NEURL1: variants seen among roughly 807,000 people sequenced by gnomAD.
NEURL1 encodes the protein E3 ubiquitin-protein ligase NEURL1.
A neutral mutation model predicts 41.2 loss-of-function variants in NEURL1; 26 were observed. The ratio of observed to expected loss-of-function variants is 0.63; its 90% confidence interval spans 0.46 to 0.87. NEURL1 has a LOEUF of 0.87. Ranked by LOEUF, NEURL1 falls within the 40% of genes least tolerant of loss-of-function variation. The pLI, the probability that NEURL1 is intolerant of heterozygous loss-of-function variation, is 0.00. For missense variants in NEURL1, 761 were observed against 871.1 expected (o/e 0.87, Z 1.59); for synonymous variants, 400 against 402.3 (o/e 0.99, Z 0.07).
rs957931791 is a variant in NEURL1, at chr10:103,558,231, T to C, written c.86-12641T>C. ...TTCGGCTTGATTCGGGCCAAACATT[T>C]TGGATTGCTGCGTTAAAGTGAGTGA... On this transcript the variant is annotated intron_variant, in intron 1 of 5. Transcript: ENST00000369780. The surrounding 1 kb of genome is among the most constrained non-coding windows in gnomAD (Gnocchi z 4.2). 1 of 985,188 alleles carries C rather than the reference T, an allele frequency of 1.0e-6. No homozygotes were observed. The highest frequency in any genetic ancestry group is 1.2e-6 in the Non-Finnish European group (1 of 829,956). The allele number at this position is 985,188 out of a possible 1,614,324, so 61.0% of individuals were successfully genotyped here. A position where few individuals can be genotyped will look rare whatever the true frequency, so the allele number is the denominator to read the frequency against.
At chr10:103,535,179 G>A (rs148966472) in intron 1 of NEURL1, among the ~76,000 whole-genome samples, 1 of 152,148 alleles carries the variant, frequency 6.6e-6, no homozygotes, top group Non-Finnish European at 1.5e-5. Context: ...TCCCAGAAAG[G>A]TGGGGCACAG....
chr10:103,571,731 T>C lies in NEURL1; in HGVS notation c.558T>C (p.Ala186=). 6.2e-7 allele frequency: 1 copy of C among 1,614,164 alleles called. No homozygotes were observed. The highest frequency in any genetic ancestry group is 8.5e-7 in the Non-Finnish European group (1 of 1,179,990). Residue 186 remains alanine, a synonymous_variant, in exon 3 of 6, where the codon GCT becomes GCC. Coordinates refer to ENST00000369780, the MANE Select transcript of NEURL1 (RefSeq NM_004210.5). Reference sequence around the variant, plus strand: ...TCTTCCACCGCATCAACGACTCGGCTGTTATGCTGTTCTTCAGCGGGGTCC... The same window carrying C: ...TCTTCCACCGCATCAACGACTCGGCCGTTATGCTGTTCTTCAGCGGGGTCC... The part of the protein sequence containing the change: ...GRVFHRINDS[A]VMLFFSGVRT...
intron 4 of NEURL1, chr10:103,588,834 T>G (rs1285414513): frequency 4.5e-6 from 2 of 444,044 alleles, no homozygotes; most frequent in African/African-American, 4.1e-5. Flanking sequence ...TGATCCCAAC[T>G]ACTCAGGAGG....
chr10:103,560,690 C>T (rs1357390169), intron 1 of NEURL1, among the ~76,000 whole-genome samples: 1 of 152,118 alleles, frequency 6.6e-6, no homozygotes, highest in African/African-American at 2.4e-5. Context: ...GAGAAACTAA[C>T]TTAGGAGGAG....
At chr10:103,588,105 C>T (rs1032489899) in intron 4 of NEURL1, among the ~76,000 whole-genome samples, 2 of 151,844 alleles carry the variant, frequency 1.3e-5, no homozygotes, top group Non-Finnish European at 2.9e-5. Context: ...GAGATCGAGA[C>T]CACCCTGGTT....
intron 1 of NEURL1, among the ~76,000 whole-genome samples, chr10:103,528,165 G>A (rs912425818): frequency 3.3e-5 from 5 of 152,152 alleles, no homozygotes; most frequent in African/African-American, 1.2e-4. Context: ...AGACCAGCCT[G>A]GCCAACCTGG....
At chr10:103,544,237 G>T (rs941277264) in intron 1 of NEURL1, among the ~76,000 whole-genome samples, 1 of 152,156 alleles carries the variant, frequency 6.6e-6, no homozygotes, top group Non-Finnish European at 1.5e-5. Flanking sequence ...CCAGATTTCC[G>T]GCCTGGATAA....
chr10:103,571,900 A>G lies in NEURL1; in HGVS notation c.649+78A>G. On this transcript the variant is annotated intron_variant, in intron 3 of 5. Transcript: ENST00000369780. ...GGGCACTGCAGCCTGGCACTGTTCA[A>G]TCCCATCAGGCGTAGGGACCCCTCT... is the stretch of plus-strand genomic sequence containing the variant. The G allele has an allele frequency of 1.2e-5, 17 of 1,387,184 alleles. No homozygotes were observed. In the South Asian group the frequency reaches 2.2e-4, roughly 18 times the overall value. 85.9% of individuals were successfully genotyped at this position (1,387,184 alleles called of 1,614,324 possible). A position where few individuals can be genotyped will look rare whatever the true frequency, so the allele number is the denominator to read the frequency against.
At chr10:103,537,158 A>G (rs1047562441) in intron 1 of NEURL1, among the ~76,000 whole-genome samples, 4 of 152,204 alleles carry the variant, frequency 2.6e-5, no homozygotes, top group Non-Finnish European at 5.9e-5. Flanking sequence ...TTGTTTATCC[A>G]TTCATCAGTC....
chr10:103,539,578 A>G (rs1000701475), intron 1 of NEURL1, among the ~76,000 whole-genome samples: 5 of 152,214 alleles, frequency 3.3e-5, no homozygotes, highest in Admixed American at 1.3e-4. Flanking sequence ...TGGAGGGAGC[A>G]AAGGGGTGTG....
intron 1 of NEURL1, among the ~76,000 whole-genome samples, chr10:103,564,528 G>C (rs1433305894): frequency 1.3e-5 from 2 of 152,204 alleles, no homozygotes; most frequent in African/African-American, 4.8e-5. Context: ...ATTGCCTGCT[G>C]TCTTGGACTC....
intron 1 of NEURL1, among the ~76,000 whole-genome samples, chr10:103,521,503 C>G (rs10786756): frequency 0.49 from 75,175 of 151,898 alleles, 19,401 homozygotes; most frequent in African/African-American, 0.63. Context: ...CAATCCCTGA[C>G]GAGTAGCAGA....
intron 1 of NEURL1, among the ~76,000 whole-genome samples, chr10:103,494,889 C>T (rs1234892946): frequency 6.6e-6 from 1 of 152,136 alleles, no homozygotes; most frequent in African/African-American, 2.4e-5. Context: ...GCACTAGTTG[C>T]ATTTCCAATG....
chr10:103,528,375 A>G (rs1245000033), intron 1 of NEURL1, among the ~76,000 whole-genome samples: 1 of 152,026 alleles, frequency 6.6e-6, no homozygotes, highest in Non-Finnish European at 1.5e-5. Flanking sequence ...AAAGAAAAAA[A>G]AATACAAAAA....
At chr10:103,504,971 T>G (rs2033913469) in intron 1 of NEURL1, among the ~76,000 whole-genome samples, 1 of 152,140 alleles carries the variant, frequency 6.6e-6, no homozygotes, top group East Asian at 1.9e-4. Flanking sequence ...TTTCTCATCC[T>G]TGGCCTCTGC....
intron 1 of NEURL1, among the ~76,000 whole-genome samples, chr10:103,541,882 C>A (rs2034827696): frequency 6.6e-6 from 1 of 152,228 alleles, no homozygotes; most frequent in African/African-American, 2.4e-5. Flanking sequence ...CTTCCCATCT[C>A]TCTACTCTGC....
chr10:103,522,717 C>A, intron 1 of NEURL1, among the ~76,000 whole-genome samples: 1 of 151,272 alleles, frequency 6.6e-6, no homozygotes, highest in East Asian at 1.9e-4. Flanking sequence ...ATAATACATA[C>A]ATAAATATTT....
At chr10:103,589,852 C>T (rs2036001442) in intron 5 of NEURL1, among the ~76,000 whole-genome samples, 192 bp downstream of exon 5, 2 of 152,196 alleles carry the variant, frequency 1.3e-5, no homozygotes, top group Non-Finnish European at 2.9e-5. Flanking sequence ...CAGGAGGGAC[C>T]TACCTTAAAA....
chr10:103,519,789 C>CT (rs971470083), intron 1 of NEURL1, among the ~76,000 whole-genome samples: 90 of 145,338 alleles, frequency 6.2e-4, no homozygotes, highest in Non-Finnish European at 6.7e-4. Flanking sequence ...GTTGTTGTTT[C>CT]TTTTTTTTTT....
Sources: allele counts gnomAD v4.1 joint callset (sites outside exome capture counted in the v4.1 genomes callset), GRCh38; gene constraint gnomAD v4.1.1; non-coding constraint Gnocchi (gnomAD v3.1); transcripts MANE v1.5; gene names NCBI Gene and HGNC (gene_info 2026-07-23, HGNC 2026-07-21).